Variants in LDLRAD4 observed in about 807,000 individuals in gnomAD.
The protein encoded by LDLRAD4 is low-density lipoprotein receptor class A domain-containing protein 4.
A neutral mutation model predicts 17.0 loss-of-function variants in LDLRAD4; 5 were observed. The ratio of observed to expected loss-of-function variants is 0.29; its 90% CI spans 0.15 to 0.62. The LOEUF is 0.62. Ranked by LOEUF, LDLRAD4 falls within the 20% of genes least tolerant of loss-of-function variation. The probability of loss-of-function intolerance (pLI) is 0.84; values close to 1 mark genes in which losing one functional copy is unlikely to be tolerated. For synonymous variants in LDLRAD4, 168 were observed against 171.8 expected (o/e 0.98, Z 0.17); for missense variants, 340 against 424.7 (o/e 0.80, Z 1.75).
intron 3 of LDLRAD4, among the ~76,000 whole-genome samples, chr18:13,553,792 TC>T (rs1016682014): frequency 6.6e-6 from 1 of 152,156 alleles, no homozygotes; most frequent in African/African-American, 2.4e-5. Context: ...TTCTACATGT[TC>T]CCCCCTTTAC....
intron 3 of LDLRAD4, among the ~76,000 whole-genome samples, chr18:13,566,607 C>T (rs1345970553): frequency 1.3e-5 from 2 of 152,156 alleles, no homozygotes; most frequent in African/African-American, 4.8e-5. Context: ...ATGATCCACC[C>T]GCCTTGGCCT....
At chr18:13,222,342 G>A (rs778233343) in intron 1 of LDLRAD4, among the ~76,000 whole-genome samples, 3 of 151,568 alleles carry the variant, frequency 2.0e-5, no homozygotes, top group Non-Finnish European at 4.4e-5. Context: ...GGAAGAGGAA[G>A]AGAGAAAAGG....
intron 1 of LDLRAD4, chr18:13,240,941 T>TTTTCTTTTCTTTTC (rs1567922327): frequency 4.7e-5 from 7 of 150,048 alleles, no homozygotes; most frequent in African/African-American, 1.5e-4. Context: ...CTTTTCTTTT[T>TTTTCTTTTCTTTTC]TTTTTGAGAT....
At chr18:13,572,051 A>G (rs1318667966) in intron 3 of LDLRAD4, among the ~76,000 whole-genome samples, 1 of 152,250 alleles carries the variant, frequency 6.6e-6, no homozygotes, top group Non-Finnish European at 1.5e-5. Context: ...CATTGTCAAT[A>G]TATGATTAGA....
chr18:13,537,924 A>G (rs1417609356), intron 3 of LDLRAD4, among the ~76,000 whole-genome samples: 1 of 152,190 alleles, frequency 6.6e-6, no homozygotes, highest in East Asian at 1.9e-4. Context: ...ATCTTTCAAG[A>G]AATTTGTCCA....
chr18:13,369,836 A>C (rs537772371), intron 1 of LDLRAD4, among the ~76,000 whole-genome samples: 1 of 152,288 alleles, frequency 6.6e-6, no homozygotes, highest in African/African-American at 2.4e-5. Flanking sequence ...ACGCACACAG[A>C]TACAGATGCC....
At chr18:13,251,986 T>C (rs183505229) in intron 1 of LDLRAD4, among the ~76,000 whole-genome samples, 16 of 152,348 alleles carry the variant, frequency 1.1e-4, no homozygotes, top group Admixed American at 9.8e-4. Context: ...AGAAGCAAAC[T>C]GAAAAGAATG....
chr18:13,617,866 G>A (rs1259080365), intron 3 of LDLRAD4, among the ~76,000 whole-genome samples: 2 of 152,238 alleles, frequency 1.3e-5, no homozygotes, highest in Non-Finnish European at 1.5e-5. Context: ...TGGGGAACAT[G>A]CCTTCTTCCT....
chr18:13,577,174 A>C (rs2148406501), intron 3 of LDLRAD4, among the ~76,000 whole-genome samples: 1 of 152,310 alleles, frequency 6.6e-6, no homozygotes, highest in Non-Finnish European at 1.5e-5. Context: ...TAGTCACACA[A>C]ACAGAGTCCA....
chr18:13,414,109 A>G (rs547054991), intron 2 of LDLRAD4, among the ~76,000 whole-genome samples: 2 of 152,290 alleles, frequency 1.3e-5, no homozygotes, highest in East Asian at 3.9e-4. Context: ...GTGGAGGTCT[A>G]CCTCATGCCT....
intron 2 of LDLRAD4, among the ~76,000 whole-genome samples, chr18:13,437,544 C>T (rs575686369): frequency 6.6e-6 from 1 of 152,314 alleles, no homozygotes; most frequent in East Asian, 1.9e-4. Context: ...TTTAGGGAGC[C>T]TGTGTTCAGT....
At chr18:13,507,406 A>C (rs1265041110) in intron 3 of LDLRAD4, among the ~76,000 whole-genome samples, 1 of 152,210 alleles carries the variant, frequency 6.6e-6, no homozygotes, top group Non-Finnish European at 1.5e-5. Context: ...CTTATAAGTG[A>C]GAACATATGA....
At chr18:13,282,296 A>G (rs1487959517) in intron 1 of LDLRAD4, among the ~76,000 whole-genome samples, 1 of 152,078 alleles carries the variant, frequency 6.6e-6, no homozygotes, top group Admixed American at 6.5e-5. Flanking sequence ...TAGTCCCCCA[A>G]AGTCTTAACT....
chr18:13,579,782 C>T (rs576637211), intron 3 of LDLRAD4, among the ~76,000 whole-genome samples: 3 of 152,184 alleles, frequency 2.0e-5, no homozygotes, highest in Non-Finnish European at 2.9e-5. Flanking sequence ...CTGCCATTTG[C>T]GGTATTCTTT....
At chr18:13,578,408 T>C (rs1173336189) in intron 3 of LDLRAD4, among the ~76,000 whole-genome samples, 1 of 152,180 alleles carries the variant, frequency 6.6e-6, no homozygotes, top group Non-Finnish European at 1.5e-5. Context: ...ATGGGGATGG[T>C]CTCCCACTTC....
chr18:13,533,275 CTT>C (rs1036816694), intron 3 of LDLRAD4, among the ~76,000 whole-genome samples: 3 of 152,158 alleles, frequency 2.0e-5, no homozygotes, highest in African/African-American at 7.2e-5. Context: ...ACCCCAGTCA[CTT>C]TGATGTATTT....
intron 3 of LDLRAD4, among the ~76,000 whole-genome samples, chr18:13,506,655 T>C (rs965447222): frequency 6.6e-6 from 1 of 152,190 alleles, no homozygotes; most frequent in Admixed American, 6.5e-5. Context: ...TCACTGTAGA[T>C]GGAATAGCCC....
At chr18:13,251,100 C>T (rs949665215) in intron 1 of LDLRAD4, among the ~76,000 whole-genome samples, 2 of 152,160 alleles carry the variant, frequency 1.3e-5, no homozygotes, top group African/African-American at 2.4e-5. Context: ...GTGATTAAAT[C>T]ACATCAGCAG....
At chr18:13,434,747 T>C (rs1157125052) in intron 2 of LDLRAD4, among the ~76,000 whole-genome samples, 1 of 152,232 alleles carries the variant, frequency 6.6e-6, no homozygotes, top group Non-Finnish European at 1.5e-5. Context: ...ATTATCCAAA[T>C]ACCTGCTTAT....
Sources: allele counts gnomAD v4.1 joint callset (sites outside exome capture counted in the v4.1 genomes callset), GRCh38; gene constraint gnomAD v4.1.1; transcripts MANE v1.5; gene names NCBI Gene and HGNC (gene_info 2026-07-23, HGNC 2026-07-21).